The following MICAL3 variants were observed in gnomAD, a reference collection of about 807,000 sequenced individuals.
MICAL3 encodes the protein microtubule associated monooxygenase, calponin and LIM domain containing 3.
In MICAL3, 62 loss-of-function variants were observed where a neutral mutation model predicts 207.4. The ratio of observed to expected loss-of-function variants is 0.30; its 90% CI spans 0.24 to 0.37. MICAL3 has a LOEUF of 0.37. Ranked by LOEUF, MICAL3 falls within the 10% of genes least tolerant of loss-of-function variation. MICAL3 has a pLI of 1.00. For synonymous variants in MICAL3, 1,077 were observed against 1,069.3 expected (o/e 1.01, Z -0.14); for missense variants, 2,368 against 2,635.6 (o/e 0.90, Z 2.22).
At chr22:17,927,586 T>C (rs561681139) in intron 1 of MICAL3, among the ~76,000 whole-genome samples, 1 of 152,276 alleles carries the variant, frequency 6.6e-6, no homozygotes, top group South Asian at 2.1e-4. Context: ...CCAACACCCC[T>C]GTACTCAGCC....
At chr22:17,891,792 G>C (rs2075451) in intron 11 of MICAL3, among the ~76,000 whole-genome samples, 160 bp from the exon 12 acceptor site, 57,836 of 151,952 alleles carry the variant, frequency 0.38, 11,589 homozygotes, top group African/African-American at 0.5. Flanking sequence ...GAGGAACAAG[G>C]TTATGCAAAT....
At chr22:17,809,734 C>T (rs941344101) in intron 28 of MICAL3, among the ~76,000 whole-genome samples, 1 of 152,216 alleles carries the variant, frequency 6.6e-6, no homozygotes, top group Admixed American at 6.5e-5. Context: ...GCTCTGACCT[C>T]TGACCTCTTC....
intron 1 of MICAL3, among the ~76,000 whole-genome samples, chr22:17,932,278 C>T (rs1933304329): frequency 6.6e-6 from 1 of 152,214 alleles, no homozygotes; most frequent in Non-Finnish European, 1.5e-5. Context: ...ACGCGGATCT[C>T]TGGGCAGAAA....
chr22:17,871,718 G>T (rs1262295213), intron 17 of MICAL3, 119 bp downstream of exon 17: 23 of 849,110 alleles, frequency 2.7e-5, no homozygotes, highest in African/African-American at 3.4e-5. Context: ...GCTGGGAGAG[G>T]CATGATGGAA....
intron 1 of MICAL3, among the ~76,000 whole-genome samples, chr22:18,009,884 T>TAA: frequency 1.4e-5 from 1 of 72,856 alleles, no homozygotes; most frequent in East Asian, 2.7e-4. Context: ...AAACTAATAA[T>TAA]AAAAAAAAAA....
chr22:17,902,001 A>C lies in MICAL3; in HGVS notation c.590-22T>G. On this transcript the variant is annotated intron_variant, in intron 4 of 31. Coordinates refer to ENST00000441493, the MANE Select transcript of MICAL3 (RefSeq NM_015241.3). The surrounding 1 kb of genome is among the most constrained non-coding windows in gnomAD (Gnocchi z 4.5). ...ATCCCTGTGAACCAAAACCAAATAA[A>C]TGGGGGTCACCACCCAGACCACATT... 1.1e-5 allele frequency: 17 copies of C among 1,552,936 alleles called. No individual in the cohort carries two copies. Among genetic ancestry groups the C allele is most frequent in the Non-Finnish European group, 1.5e-5 (17 of 1,128,390 alleles).
chr22:18,017,367 C>T (rs1924126865), intron 1 of MICAL3, among the ~76,000 whole-genome samples: 2 of 151,620 alleles, frequency 1.3e-5, no homozygotes, highest in South Asian at 4.2e-4. Flanking sequence ...GTGCCTGATA[C>T]CATGCCTGGC....
At chr22:17,896,601 C>T (rs1602170145) in intron 8 of MICAL3, 123 bp downstream of exon 8, 1 of 1,038,210 alleles carries the variant, frequency 9.6e-7, no homozygotes, top group Non-Finnish European at 1.4e-6. Flanking sequence ...TGGTGTGACT[C>T]CTGCAGGGAG....
chr22:17,902,877 G>A lies in MICAL3; in HGVS notation c.473-130C>T, dbSNP rs1931436488. ...AGATTCCCAAAGCCTGCTGTAGCAG[G>A]AGACCTTCCAAAGCCACGCTCTGTA... On this transcript the variant is annotated intron_variant, in intron 3 of 31. Coordinates refer to ENST00000441493, the MANE Select transcript of MICAL3 (RefSeq NM_015241.3). The surrounding 1 kb of genome is among the most constrained non-coding windows in gnomAD (Gnocchi z 4.5). 1 of 607,848 alleles carries A rather than the reference G, an allele frequency of 1.6e-6. No homozygotes were observed. Among genetic ancestry groups the A allele is most frequent in the Non-Finnish European group, 3.0e-6 (1 of 336,816 alleles). 37.7% of individuals were successfully genotyped at this position (607,848 alleles called of 1,614,324 possible).
At chr22:17,893,044 A>T (rs985001849) in intron 11 of MICAL3, among the ~76,000 whole-genome samples, 1 of 152,202 alleles carries the variant, frequency 6.6e-6, no homozygotes, top group African/African-American at 2.4e-5. Flanking sequence ...CACTTCACAG[A>T]CAAGGAAATC....
chr22:17,958,652 A>G (rs1934744080), intron 1 of MICAL3, among the ~76,000 whole-genome samples: 1 of 152,178 alleles, frequency 6.6e-6, no homozygotes, highest in Non-Finnish European at 1.5e-5. Flanking sequence ...AGTGGGCTGA[A>G]GCAGGGCAGC....
intron 19 of MICAL3, among the ~76,000 whole-genome samples, chr22:17,852,315 C>T (rs1211503368): frequency 6.6e-6 from 1 of 152,202 alleles, no homozygotes; most frequent in East Asian, 1.9e-4. Context: ...ATCACAGTCA[C>T]ACTTCTGTTT....
Position 17,841,699 on chromosome 22 carries a change from G to A in MICAL3, c.2801+123C>T. Reference sequence around the variant, plus strand: ...GAACCTAAAAGGGACTGGGGAGAATGGACTGCGGGCAGCAGGAAAGACAGG... The same window carrying A: ...GAACCTAAAAGGGACTGGGGAGAATAGACTGCGGGCAGCAGGAAAGACAGG... On this transcript the variant is annotated intron_variant, in intron 20 of 31. Coordinates refer to ENST00000441493, the MANE Select transcript of MICAL3 (RefSeq NM_015241.3). The surrounding 1 kb of genome is among the most constrained non-coding windows in gnomAD (Gnocchi z 4.2). 1.0e-6 allele frequency: 1 copy of A among 960,396 alleles called. No individual in the cohort carries two copies. The highest frequency in any genetic ancestry group is 1.6e-5 in the African/African-American group (1 of 61,822). 59.5% of individuals were successfully genotyped at this position (960,396 alleles called of 1,614,324 possible).
intron 19 of MICAL3, chr22:17,858,551 T>C (rs1427047795): frequency 2.6e-6 from 2 of 763,026 alleles, no homozygotes; most frequent in Non-Finnish European, 3.2e-6. Context: ...TGGGACCGGG[T>C]CCTATACGGC....
chr22:17,833,523 C>T (rs1923038582), intron 20 of MICAL3, among the ~76,000 whole-genome samples: 1 of 152,240 alleles, frequency 6.6e-6, no homozygotes, highest in South Asian at 2.1e-4. Context: ...CACTGAGGGG[C>T]ACTGCCAGGG....
chr22:17,832,553 C>G (rs886672347), intron 20 of MICAL3, among the ~76,000 whole-genome samples: 4 of 152,206 alleles, frequency 2.6e-5, no homozygotes, highest in African/African-American at 9.7e-5. Flanking sequence ...ACTGAGATCG[C>G]TGGTTTACGT....
chr22:17,963,872 G>T (rs993792120), intron 1 of MICAL3, among the ~76,000 whole-genome samples: 1 of 152,150 alleles, frequency 6.6e-6, no homozygotes, highest in Non-Finnish European at 1.5e-5. Flanking sequence ...ACCAGCTGAG[G>T]GTCAAATAGG....
At chr22:17,869,670 T>G (rs1391050558) in intron 17 of MICAL3, among the ~76,000 whole-genome samples, 2 of 152,176 alleles carry the variant, frequency 1.3e-5, no homozygotes, top group African/African-American at 2.4e-5. Flanking sequence ...AATTTACTAG[T>G]ATGGAGTTGG....
chr22:17,967,700 G>A (rs11704608), intron 1 of MICAL3, among the ~76,000 whole-genome samples: 31,587 of 152,034 alleles, frequency 0.21, 3,420 homozygotes, highest in Middle Eastern at 0.27. Context: ...TTGAGACCAG[G>A]AATTTGAGAC....
Sources: gnomAD v4.1 joint callset for allele counts (sites outside exome capture counted in the v4.1 genomes callset) on GRCh38, gnomAD v4.1.1 for gene constraint, Gnocchi (gnomAD v3.1) non-coding constraint, MANE v1.5 for transcripts, NCBI Gene and HGNC (gene_info 2026-07-23, HGNC 2026-07-21) for gene names.